The following ZBBX variants were observed in gnomAD, a reference collection of about 807,000 sequenced individuals.
ZBBX encodes the protein zinc finger B-box domain containing, also known as zinc finger B-box domain-containing protein 1.
ZBBX carries 101 observed loss-of-function variants against 108.5 expected under a neutral mutation model. That is an observed-to-expected ratio of 0.93 (90% CI 0.79 to 1.10). ZBBX has a LOEUF of 1.10. ZBBX is among the 50% of genes least tolerant of loss of function. The pLI, the probability that ZBBX is intolerant of heterozygous loss-of-function variation, is 0.00. For synonymous variants in ZBBX, 356 were observed against 323.4 expected (o/e 1.10, Z -1.08); for missense variants, 1,009 against 941.4 (o/e 1.07, Z -0.94).
chr3:167,188,619 G>A, the ZBBX span, among the ~76,000 whole-genome samples: 1 of 152,182 alleles, frequency 6.6e-6, no homozygotes, highest in Non-Finnish European at 1.5e-5. Context: ...ATGATAAGAG[G>A]TGTTAAGACC....
At chr3:167,230,387 T>C in the ZBBX span, among the ~76,000 whole-genome samples, 1 of 151,810 alleles carries the variant, frequency 6.6e-6, no homozygotes, top group Non-Finnish European at 1.5e-5. Context: ...TCAGGAAACA[T>C]ATTCCAATAA....
chr3:167,306,335 C>A (rs1733642011), intron 16 of ZBBX, among the ~76,000 whole-genome samples: 1 of 152,058 alleles, frequency 6.6e-6, no homozygotes, highest in Admixed American at 6.5e-5. Flanking sequence ...TTTCATTTTG[C>A]CATTTTTCCC....
chr3:167,236,007 A>G (rs921768468), downstream of ZBBX, among the ~76,000 whole-genome samples: 2 of 151,764 alleles, frequency 1.3e-5, no homozygotes, highest in African/African-American at 4.8e-5. Context: ...ATGATGAAAC[A>G]GAATATCCTA....
intron 1 of ZBBX, among the ~76,000 whole-genome samples, chr3:167,387,495 G>A (rs1274715130): frequency 1.3e-5 from 2 of 151,960 alleles, no homozygotes; most frequent in Admixed American, 6.6e-5. Flanking sequence ...ACATCATACT[G>A]GTATGGAGCG....
chr3:167,346,110 C>T (rs1210932857), intron 9 of ZBBX, among the ~76,000 whole-genome samples: 1 of 151,728 alleles, frequency 6.6e-6, no homozygotes, highest in African/African-American at 2.4e-5. Context: ...AATAGGAATG[C>T]CTGATATATT....
chr3:167,348,152 T>C (rs1054224655), intron 9 of ZBBX, among the ~76,000 whole-genome samples: 3 of 135,662 alleles, frequency 2.2e-5, no homozygotes, highest in East Asian at 2.1e-4. Flanking sequence ...GTTCTTACCA[T>C]GAAAGAAGGA....
intron 18 of ZBBX, 112 bp downstream of exon 18, chr3:167,298,193 G>T: frequency 5.0e-6 from 4 of 802,944 alleles, no homozygotes; most frequent in Non-Finnish European, 5.5e-6. Context: ...CTAATACAAG[G>T]TTAATAATTT....
At chr3:167,381,397 T>C (rs1356414193), upstream of ZBBX, 2 of 152,192 alleles carry the variant, frequency 1.3e-5, no homozygotes, top group East Asian at 3.9e-4. Context: ...AGTTAGTCCA[T>C]ACGTAATGTA....
the ZBBX span, among the ~76,000 whole-genome samples, chr3:167,202,076 G>T: frequency 6.6e-6 from 1 of 152,074 alleles, no homozygotes; most frequent in Non-Finnish European, 1.5e-5. Context: ...TAGAGTAGGG[G>T]CTACAGGTGG....
At chr3:167,384,029 A>T (rs981079340), upstream of ZBBX, among the ~76,000 whole-genome samples, 6 of 152,076 alleles carry the variant, frequency 3.9e-5, no homozygotes, top group African/African-American at 9.7e-5. Context: ...AGCACTTTGA[A>T]TGTTACCCTA....
chr3:167,244,086 C>A (rs1721153156), intron 20 of ZBBX, among the ~76,000 whole-genome samples: 1 of 152,006 alleles, frequency 6.6e-6, no homozygotes, highest in African/African-American at 2.4e-5. Flanking sequence ...TAATTACTTC[C>A]ATCTTCACTT....
At chr3:167,202,920 G>T in the ZBBX span, among the ~76,000 whole-genome samples, 1 of 151,966 alleles carries the variant, frequency 6.6e-6, no homozygotes, top group Non-Finnish European at 1.5e-5. Context: ...TACTAAAGCC[G>T]AATATCTTAC....
chr3:167,289,522 T>C (rs1427353167), intron 18 of ZBBX, among the ~76,000 whole-genome samples: 1 of 152,200 alleles, frequency 6.6e-6, no homozygotes. Flanking sequence ...GAACTCCCTC[T>C]CCTAGCCAAG....
At chr3:167,306,599 G>C (rs6802629) in intron 16 of ZBBX, among the ~76,000 whole-genome samples, 60,248 of 152,076 alleles carry the variant, frequency 0.4, 12,130 homozygotes, top group Non-Finnish European at 0.43. Flanking sequence ...GTATGGGCCT[G>C]ACCCCAAACC....
chr3:167,349,224 C>T (rs1742228122), intron 9 of ZBBX, among the ~76,000 whole-genome samples: 1 of 151,968 alleles, frequency 6.6e-6, no homozygotes, highest in South Asian at 2.1e-4. Flanking sequence ...ATGAAAAATT[C>T]CTAATATGAA....
intron 1 of ZBBX, among the ~76,000 whole-genome samples, chr3:167,405,182 G>C (rs1438725349): frequency 1.3e-5 from 2 of 152,158 alleles, no homozygotes; most frequent in Non-Finnish European, 2.9e-5. Context: ...AATGTCTACA[G>C]GGCAATTCAA....
chr3:167,312,876 T>C (rs780852903), intron 16 of ZBBX, among the ~76,000 whole-genome samples: 96 of 152,214 alleles, frequency 6.3e-4, no homozygotes, highest in Non-Finnish European at 9.0e-4. Context: ...CCAATCAGAA[T>C]GTAATCATCA....
At chr3:167,179,298 A>T in the ZBBX span, among the ~76,000 whole-genome samples, 14 of 152,384 alleles carry the variant, frequency 9.2e-5, no homozygotes, top group East Asian at 2.7e-3. Flanking sequence ...CAAGTTGGGC[A>T]TTGCTGGATA....
intron 1 of ZBBX, among the ~76,000 whole-genome samples, chr3:167,387,063 G>A (rs1315355481): frequency 6.6e-6 from 1 of 151,954 alleles, no homozygotes; most frequent in African/African-American, 2.4e-5. Context: ...CCATAAGAAA[G>A]GTATCATTCT....
Sources: gnomAD v4.1 joint callset for allele counts (sites outside exome capture counted in the v4.1 genomes callset) on GRCh38, gnomAD v4.1.1 for gene constraint, MANE v1.5 for transcripts, NCBI Gene and HGNC (gene_info 2026-07-23, HGNC 2026-07-21) for gene names.